Variants in CAMSAP1 observed in about 807,000 individuals in gnomAD.
CAMSAP1 encodes calmodulin regulated spectrin associated protein 1.
In CAMSAP1, 58 loss-of-function variants were observed where a neutral mutation model predicts 143.5. The ratio of observed to expected loss-of-function variants is 0.40; its 90% CI spans 0.33 to 0.50. The LOEUF (loss-of-function observed/expected upper bound fraction) is 0.50, where lower values mean the gene tolerates loss of function less well. Among genes scored for constraint, CAMSAP1 ranks in the 20% least tolerant of loss-of-function variants. The pLI is 0.45. For synonymous variants in CAMSAP1, 945 were observed against 859.3 expected (o/e 1.10, Z -1.74); for missense variants, 1,969 against 2,115.7 (o/e 0.93, Z 1.36).
At chr9:135,905,692 G>C (rs1430951511) in intron 1 of CAMSAP1, among the ~76,000 whole-genome samples, 1 of 152,252 alleles carries the variant, frequency 6.6e-6, no homozygotes, top group Non-Finnish European at 1.5e-5. Context: ...ATTGGCAAAG[G>C]TGTAAAAACT....
rs550704267 is a variant in CAMSAP1, at chr9:135,907,179, G to C, written c.-20C>G. 381 of 1,075,106 alleles carry C rather than the reference G, an allele frequency of 3.5e-4. No homozygotes were observed. In the African/African-American group the frequency reaches 6.0e-3, roughly 17 times the overall value. 66.6% of individuals were successfully genotyped at this position (1,075,106 alleles called of 1,614,324 possible). On this transcript the variant is annotated 5_prime_UTR_variant, in exon 1 of 17. Coordinates refer to ENST00000389532, the MANE Select transcript of CAMSAP1 (RefSeq NM_015447.4). ...CACCATCTGCAGACAAAGGGCTGAG[G>C]CGGCGGCCCGGCCGCAACAAAGGCG...
intron 7 of CAMSAP1, among the ~76,000 whole-genome samples, chr9:135,828,701 C>T (rs1036312317): frequency 1.3e-5 from 2 of 152,218 alleles, no homozygotes; most frequent in African/African-American, 4.8e-5. Flanking sequence ...CCTGCTGGCC[C>T]CACGCTTAGA....
intron 7 of CAMSAP1, among the ~76,000 whole-genome samples, chr9:135,828,726 C>T (rs1835759128): frequency 6.6e-6 from 1 of 152,212 alleles, no homozygotes. Context: ...ACAGATCTCT[C>T]TCTCAAGATG....
chr9:135,827,910 G>A (rs980022112), intron 7 of CAMSAP1, among the ~76,000 whole-genome samples: 2 of 152,210 alleles, frequency 1.3e-5, no homozygotes, highest in South Asian at 2.1e-4. Flanking sequence ...CCAAAACCAC[G>A]TGCCACCTTC....
intron 7 of CAMSAP1, 41 bp from the exon 8 acceptor site, chr9:135,827,625 A>G: frequency 6.8e-7 from 1 of 1,476,916 alleles, no homozygotes; most frequent in Non-Finnish European, 9.1e-7. Context: ...TACAACACTA[A>G]CTGGAAGCAC....
intron 1 of CAMSAP1, among the ~76,000 whole-genome samples, chr9:135,886,372 TG>T (rs1224159978): frequency 1.3e-5 from 2 of 150,732 alleles, no homozygotes; most frequent in South Asian, 4.2e-4. Context: ...CACTGAGGAG[TG>T]GGGCAGTGGG....
chr9:135,901,909 T>G (rs924719537), intron 1 of CAMSAP1, among the ~76,000 whole-genome samples: 3 of 152,132 alleles, frequency 2.0e-5, no homozygotes, highest in African/African-American at 7.2e-5. Context: ...GTTAATCTAC[T>G]CAGTACACCC....
chr9:135,843,901 C>T lies in CAMSAP1; in HGVS notation c.1045+6236G>A, dbSNP rs577805598. 4.2e-4 allele frequency among the ~76,000 whole-genome samples: 63 copies of T among 149,210 alleles called. No individual in the cohort carries two copies. In the South Asian group the frequency reaches 7.2e-3, roughly 17 times the overall value. On this transcript the variant is annotated intron_variant, in intron 7 of 16. Transcript: ENST00000389532. ...AAAAAAAAAAAAAAAAAAAAAGAAG[C>T]GCTAACTATCCTAAATCTGTATGCC...
At chr9:135,888,309 C>T (rs1226538327) in intron 1 of CAMSAP1, among the ~76,000 whole-genome samples, 2 of 152,236 alleles carry the variant, frequency 1.3e-5, no homozygotes, top group African/African-American at 2.4e-5. Context: ...CAGGAAGTGG[C>T]CATCTGTCGA....
At chr9:135,863,400 T>C (rs1231771178) in intron 4 of CAMSAP1, among the ~76,000 whole-genome samples, 1 of 152,214 alleles carries the variant, frequency 6.6e-6, no homozygotes, top group African/African-American at 2.4e-5. Context: ...ACACTGGTGT[T>C]TTCTGCATTA....
chr9:135,907,379 C>G lies in CAMSAP1; in HGVS notation c.-220G>C, dbSNP rs1838819306. ...CGCTGAGCCCGAGCGGAGGAGGTGCCGAGCCCGCGGCCCAAAGAGGCGGCG... is the reference window on the plus strand; with the variant it reads ...CGCTGAGCCCGAGCGGAGGAGGTGCGGAGCCCGCGGCCCAAAGAGGCGGCG... On this transcript the variant is annotated 5_prime_UTR_variant, in exon 1 of 17. Coordinates refer to ENST00000389532, the MANE Select transcript of CAMSAP1 (RefSeq NM_015447.4). Among the ~76,000 whole-genome samples, 1 of 146,248 alleles carries G rather than the reference C, an allele frequency of 6.8e-6. No homozygotes were observed. Among genetic ancestry groups the G allele is most frequent in the South Asian group, 2.1e-4 (1 of 4,806 alleles).
intron 3 of CAMSAP1, among the ~76,000 whole-genome samples, chr9:135,880,278 A>G (rs1467742788): frequency 6.6e-6 from 1 of 151,920 alleles, no homozygotes; most frequent in Non-Finnish European, 1.5e-5. Flanking sequence ...CACTTCCCAC[A>G]TGCACGCCGC....
chr9:135,865,613 T>A (rs1837347914), intron 4 of CAMSAP1, among the ~76,000 whole-genome samples: 1 of 152,168 alleles, frequency 6.6e-6, no homozygotes, highest in African/African-American at 2.4e-5. Flanking sequence ...GGAAACTTGG[T>A]ATGGGCTGGG....
At chr9:135,906,881 C>T (rs1250282674) in intron 1 of CAMSAP1, 119 bp downstream of exon 1, 3 of 568,612 alleles carry the variant, frequency 5.3e-6, no homozygotes, top group Non-Finnish European at 6.7e-6. Flanking sequence ...AGCCCCGACC[C>T]TGTGCGGACG....
intron 3 of CAMSAP1, among the ~76,000 whole-genome samples, chr9:135,868,460 A>T (rs544867379): frequency 6.6e-6 from 1 of 151,042 alleles, no homozygotes; most frequent in African/African-American, 2.4e-5. Flanking sequence ...GTTTTTTTTT[A>T]AATGAATGTC....
chr9:135,905,725 G>A (rs1009015071), intron 1 of CAMSAP1, among the ~76,000 whole-genome samples: 1 of 152,218 alleles, frequency 6.6e-6, no homozygotes, highest in Admixed American at 6.5e-5. Context: ...AAGCACATGC[G>A]GCAAAATACA....
intron 1 of CAMSAP1, among the ~76,000 whole-genome samples, chr9:135,892,869 A>AAAAAAAAAAAAAAAAAAAAAAAAGG: frequency 6.9e-6 from 1 of 145,066 alleles, no homozygotes; most frequent in Non-Finnish European, 1.5e-5. Context: ...AAAAAAAAAG[A>AAAAAAAAAAAAAAAAAAAAAAAAGG]ACTAATCAGA....
At chr9:135,847,118 C>G (rs557772841) in intron 7 of CAMSAP1, among the ~76,000 whole-genome samples, 1 of 151,748 alleles carries the variant, frequency 6.6e-6, no homozygotes, top group Non-Finnish European at 1.5e-5. Flanking sequence ...GAGGCTGAGG[C>G]GGGTGGATCA....
At position 135,811,032 on chromosome 9, in the gene CAMSAP1, T is replaced by G. The variant is rs1008372634; in HGVS notation, c.*277A>C. The G allele has an allele frequency of 2.0e-5, 9 of 444,098 alleles. No homozygotes were observed. Among genetic ancestry groups the G allele is most frequent in the Non-Finnish European group, 3.2e-5 (8 of 246,446 alleles). The allele number at this position is 444,098 out of a possible 1,614,324, so 27.5% of individuals were successfully genotyped here. On this transcript the variant is annotated 3_prime_UTR_variant, in exon 17 of 17. Transcript: ENST00000389532. This position sits in a 1 kb window ranked among gnomAD's most constrained non-coding sequence, Gnocchi z 4.9. The stretch of plus-strand genomic sequence containing the variant: ...GAACACCCTCCGCTGGGAGCCTCAG[T>G]GGTCAGCAGTGGCCACAGCAGTGCG...
Sources: gnomAD v4.1 joint callset for allele counts (sites outside exome capture counted in the v4.1 genomes callset) on GRCh38, gnomAD v4.1.1 for gene constraint, Gnocchi (gnomAD v3.1) non-coding constraint, MANE v1.5 for transcripts, NCBI Gene and HGNC (gene_info 2026-07-23, HGNC 2026-07-21) for gene names.